The following JAK1 variants were observed in gnomAD, a reference collection of about 807,000 sequenced individuals.
The protein encoded by JAK1 is Janus kinase 1.
Under a neutral mutation model 136.6 loss-of-function variants are expected in JAK1, and 16 were observed. The observed-to-expected ratio is 0.12, with a 90% CI of 0.08 to 0.18. The LOEUF is 0.18. JAK1 is among the 10% of genes least tolerant of loss of function. JAK1 has a pLI of 1.00. For missense variants in JAK1, 859 were observed against 1,450.1 expected (o/e 0.59, Z 6.62); for synonymous variants, 492 against 519.5 (o/e 0.95, Z 0.72).
rs117706944 is a variant in JAK1, at chr1:64,978,734, G to A, written c.-78+65746C>T. Among the ~76,000 whole-genome samples the A allele has an allele frequency of 8.7e-4, 132 of 152,128 alleles. 2 individuals are homozygous for A. In the East Asian group the frequency reaches 0.025, roughly 29 times the overall value. ...TTCTACTCCTGGGATTTAGTATACT[G>A]TATTAATAATTTAAAAACCTTATAA... is the stretch of plus-strand genomic sequence containing the variant. On this transcript the variant is annotated intron_variant, in intron 2 of 25. Transcript: ENST00000671954.
At chr1:64,944,221 CAA>C (rs771660692) in intron 1 of JAK1, among the ~76,000 whole-genome samples, 9 of 63,382 alleles carry the variant, frequency 1.4e-4, no homozygotes, top group African/African-American at 3.3e-4. Flanking sequence ...GACTCTGTCT[CAA>C]AAAAAAAAAA....
chr1:65,018,487 A>AGAAC (rs1394294153), intron 2 of JAK1, among the ~76,000 whole-genome samples: 1,323 of 96,000 alleles, frequency 0.014, 24 homozygotes, highest in African/African-American at 0.065. Flanking sequence ...AGAGAGAGAG[A>AGAAC]ACACACACAC....
At chr1:65,061,840 A>G (rs1647802985) in intron 1 of JAK1, among the ~76,000 whole-genome samples, 2 of 152,176 alleles carry the variant, frequency 1.3e-5, no homozygotes, top group African/African-American at 2.4e-5. Context: ...CAGGTTACAG[A>G]ATTTTTTTCT....
intron 2 of JAK1, chr1:64,974,575 T>C (rs891935697): frequency 6.6e-6 from 1 of 152,240 alleles, no homozygotes; most frequent in African/African-American, 2.4e-5. Context: ...GAGAACATAC[T>C]TAATTCAGGT....
intron 1 of JAK1, among the ~76,000 whole-genome samples, chr1:64,955,220 A>G (rs1373534876): frequency 6.6e-6 from 1 of 152,230 alleles, no homozygotes; most frequent in Non-Finnish European, 1.5e-5. Context: ...CCTGTCCTCA[A>G]GGGCCTCGTG....
At chr1:65,055,182 T>G (rs1447833091) in intron 1 of JAK1, among the ~76,000 whole-genome samples, 2 of 151,976 alleles carry the variant, frequency 1.3e-5, no homozygotes, top group African/African-American at 4.8e-5. Flanking sequence ...CCCCAGCTCC[T>G]GGCAACCATC....
intron 20 of JAK1, among the ~76,000 whole-genome samples, chr1:64,839,330 A>G (rs114141144): frequency 0.01 from 1,523 of 152,292 alleles, 29 homozygotes; most frequent in African/African-American, 0.035. Flanking sequence ...GAGGTAGAGT[A>G]GGAATCAGTT....
At chr1:64,840,912 A>G (rs896755065) in intron 19 of JAK1, among the ~76,000 whole-genome samples, 1 of 151,990 alleles carries the variant, frequency 6.6e-6, no homozygotes, top group Non-Finnish European at 1.5e-5. Context: ...CTATTCCACC[A>G]TATCTATACC....
intron 20 of JAK1, 97 bp downstream of exon 20, chr1:64,839,506 C>T (rs1049206470): frequency 7.7e-6 from 8 of 1,033,052 alleles, no homozygotes; most frequent in South Asian, 5.1e-5. Flanking sequence ...ATGTCAGACG[C>T]CCAGGTAAGG....
intron 1 of JAK1, among the ~76,000 whole-genome samples, chr1:65,055,060 T>C (rs528419623): frequency 6.6e-6 from 1 of 152,334 alleles, no homozygotes; most frequent in Non-Finnish European, 1.5e-5. Context: ...GTGTACATTG[T>C]GTCATTAAGC....
chr1:64,928,784 A>AAAAAAAC lies in JAK1; in HGVS notation c.-78+37548_-78+37549insGTTTTTT, dbSNP rs1553169976. 6.0e-4 allele frequency among the ~76,000 whole-genome samples: 73 copies of AAAAAAAC among 121,968 alleles called. 1 individual carries two copies. Among genetic ancestry groups the AAAAAAAC allele is most frequent in the Non-Finnish European group, 8.7e-4 (56 of 64,476 alleles). The allele number at this position is 121,968 out of a possible 152,430, so 80.0% of individuals were successfully genotyped here. A position where few individuals can be genotyped will look rare whatever the true frequency, so the allele number is the denominator to read the frequency against. On this transcript the variant is annotated intron_variant, in intron 1 of 24. Coordinates refer to ENST00000342505, the MANE Select transcript of JAK1 (RefSeq NM_002227.4). ...TGAGTGCTATAAAACTCTGCAAAAAAAAAAAAAAAAAACAAAAAAAAAAAA... is the reference window on the plus strand; with the variant it reads ...TGAGTGCTATAAAACTCTGCAAAAAAAAAAAACAAAAAAAAAAAACAAAAAAAAAAAA...
intron 6 of JAK1, among the ~76,000 whole-genome samples, chr1:64,868,849 A>G (rs1656884539): frequency 6.6e-6 from 1 of 152,236 alleles, no homozygotes; most frequent in Non-Finnish European, 1.5e-5. Context: ...GATATTTAAT[A>G]GTAGTTGATC....
rs11585932 is a variant in JAK1, at chr1:64,869,412, T to C, written c.546A>G (p.Gly182=). ...PIRDPKTEQD[G]HDIENECLGM... Reference sequence around the variant, plus strand: ...CTAGACACTCGTTCTCAATATCATGTCCATCCTGCTCGGTCTTGGGGTCTC... The same window carrying C: ...CTAGACACTCGTTCTCAATATCATGCCCATCCTGCTCGGTCTTGGGGTCTC... Residue 182 remains glycine, a synonymous_variant, in exon 6 of 25, where the codon GGA becomes GGG. Transcript: ENST00000342505. 0.063 allele frequency: 101,533 copies of C among 1,613,568 alleles called. 3,976 individuals are homozygous for C. Among genetic ancestry groups the C allele is most frequent in the Admixed American group, 0.16 (9,412 of 59,986 alleles).
intron 1 of JAK1, among the ~76,000 whole-genome samples, chr1:64,921,054 A>T (rs1645486019): frequency 6.6e-6 from 1 of 152,228 alleles, no homozygotes; most frequent in South Asian, 2.1e-4. Context: ...GCCAAGGAAA[A>T]TAATGTAAGT....
At position 64,857,739 on chromosome 1, in the gene JAK1, C is replaced by T. The variant is rs774002055; in HGVS notation, c.1375G>A (p.Glu459Lys). 3.5e-5 allele frequency: 57 copies of T among 1,614,066 alleles called. 1 individual carries two copies. Among genetic ancestry groups the T allele is most frequent in the Admixed American group, 1.5e-4 (9 of 60,008 alleles). ...AINKLRQEGSEEGMYVLRWSC... is the reference protein window; with the variant it reads ...AINKLRQEGSKEGMYVLRWSC... Reference sequence around the variant, plus strand: ...CACCTCAGCACGTACATCCCCTCCTCGCTTCCTTCTTGCCGCAATTTATTG... The same window carrying T: ...CACCTCAGCACGTACATCCCCTCCTTGCTTCCTTCTTGCCGCAATTTATTG... Residue 459 changes from glutamate to lysine, a missense_variant, in exon 10 of 25, where the codon GAG (glutamate) becomes AAG (lysine). Coordinates refer to ENST00000342505, the MANE Select transcript of JAK1 (RefSeq NM_002227.4).
At chr1:65,008,088 T>C (rs936624615) in intron 2 of JAK1, among the ~76,000 whole-genome samples, 2 of 152,202 alleles carry the variant, frequency 1.3e-5, no homozygotes, top group African/African-American at 4.8e-5. Flanking sequence ...TAGATTGTGA[T>C]TAGCACAGCT....
intron 1 of JAK1, among the ~76,000 whole-genome samples, chr1:64,927,873 C>G (rs879838754): frequency 6.6e-6 from 1 of 152,170 alleles, no homozygotes; most frequent in Non-Finnish European, 1.5e-5. Context: ...TGGGCACTGC[C>G]AAGAATGCCC....
At chr1:65,023,935 T>C (rs1307888893) in intron 2 of JAK1, among the ~76,000 whole-genome samples, 1 of 149,226 alleles carries the variant, frequency 6.7e-6, no homozygotes, top group Non-Finnish European at 1.5e-5. Context: ...TTTTTTTGCA[T>C]GTACCAGTGG....
intron 2 of JAK1, 91 bp from the exon 3 acceptor site, chr1:64,883,566 A>C: frequency 8.9e-7 from 1 of 1,123,296 alleles, no homozygotes; most frequent in Non-Finnish European, 1.3e-6. Context: ...AAAAAAGCAG[A>C]AACATTTGGT....
Sources: allele counts gnomAD v4.1 joint callset (sites outside exome capture counted in the v4.1 genomes callset), GRCh38; gene constraint gnomAD v4.1.1; transcripts MANE v1.5; gene names NCBI Gene and HGNC (gene_info 2026-07-23, HGNC 2026-07-21).